The following TRIO variants were observed in gnomAD, a reference collection of about 807,000 sequenced individuals.
TRIO encodes the protein trio Rho guanine nucleotide exchange factor, also known as triple functional domain protein.
Under a neutral mutation model 351.9 loss-of-function variants are expected in TRIO, and 58 were observed. The observed-to-expected ratio is 0.16, with a 90% CI of 0.13 to 0.21. TRIO has a LOEUF of 0.21. Among genes scored for constraint, TRIO ranks in the 10% least tolerant of loss-of-function variants. TRIO has a pLI of 1.00. For synonymous variants in TRIO, 1,758 were observed against 1,595.7 expected (o/e 1.10, Z -2.42); for missense variants, 3,201 against 4,027.8 (o/e 0.79, Z 5.56).
At chr5:14,426,591 C>T (rs358752) in intron 34 of TRIO, among the ~76,000 whole-genome samples, 98,309 of 152,086 alleles carry the variant, frequency 0.65, 32,276 homozygotes, top group East Asian at 0.9. Flanking sequence ...ATTGCAGATA[C>T]ACTGTTGAAC....
intron 16 of TRIO, among the ~76,000 whole-genome samples, chr5:14,368,349 G>A (rs1744781452): frequency 6.6e-6 from 1 of 152,152 alleles, no homozygotes; most frequent in South Asian, 2.1e-4. Flanking sequence ...GCTTCCAGCA[G>A]CTATTATGAG....
chr5:14,355,249 C>CAGAACAACA (rs1429894927), intron 11 of TRIO, among the ~76,000 whole-genome samples: 3 of 152,218 alleles, frequency 2.0e-5, no homozygotes, highest in Admixed American at 6.5e-5. Context: ...ACATTACAGC[C>CAGAACAACA]TTGTTCTGGT....
intron 11 of TRIO, among the ~76,000 whole-genome samples, chr5:14,349,261 GT>G (rs1426067581): frequency 7.7e-6 from 1 of 129,838 alleles, no homozygotes; most frequent in Non-Finnish European, 1.6e-5. Context: ...GTGAGCATGT[GT>G]TTTTCCTGTG....
rs189220505 is a variant in TRIO, at chr5:14,453,542, T to C, written c.5204-7477T>C. ...TTATGCCTCAGCCATCCTACATTTA[T>C]AAACACTTAACAGTTTATGAAGTTT... is the stretch of plus-strand genomic sequence containing the variant. On this transcript the variant is annotated intron_variant, in intron 34 of 56. Coordinates refer to ENST00000344204, the MANE Select transcript of TRIO (RefSeq NM_007118.4). Among the ~76,000 whole-genome samples the C allele has an allele frequency of 5.3e-5, 8 of 152,342 alleles. No homozygotes were observed. The South Asian group carries it at 8.3e-4, about 16-fold the overall frequency.
At chr5:14,269,241 T>A (rs1207415718) in intron 1 of TRIO, among the ~76,000 whole-genome samples, 1 of 152,252 alleles carries the variant, frequency 6.6e-6, no homozygotes, top group Non-Finnish European at 1.5e-5. Context: ...GGGTTCATTA[T>A]ACACGTGGAC....
rs180836459 is a variant in TRIO at position 14,145,253 on chromosome 5, C to T, written c.157+1371C>T. Among the ~76,000 whole-genome samples, 120 of 152,364 alleles carry T rather than the reference C, an allele frequency of 7.9e-4. 2 individuals carry two copies. The highest frequency in any genetic ancestry group is 2.5e-3 in the African/African-American group (104 of 41,590). On this transcript the variant is annotated intron_variant, in intron 1 of 56. Transcript: ENST00000344204. ...GCAGCGGGAGGGCGATGGTGAGAGG[C>T]AGAAGTTAGCAGTGCTGGTAGATAC...
chr5:14,477,493 T>G (rs1467894652), intron 41 of TRIO, among the ~76,000 whole-genome samples: 1 of 152,228 alleles, frequency 6.6e-6, no homozygotes, highest in Non-Finnish European at 1.5e-5. Context: ...ATTGCTGTGT[T>G]TTTTGGTTCA....
chr5:14,464,590 C>T (rs1754107192), intron 36 of TRIO, among the ~76,000 whole-genome samples: 1 of 152,074 alleles, frequency 6.6e-6, no homozygotes, highest in South Asian at 2.1e-4. Flanking sequence ...GTTTTCTTCA[C>T]CCCATATTCC....
intron 1 of TRIO, among the ~76,000 whole-genome samples, chr5:14,239,557 C>T (rs1461352134): frequency 2.0e-5 from 3 of 152,126 alleles, no homozygotes; most frequent in African/African-American, 7.2e-5. Flanking sequence ...GTTTGATCCT[C>T]GCTGACCTCA....
At chr5:14,444,080 C>CTTTTTT (rs34641629) in intron 34 of TRIO, among the ~76,000 whole-genome samples, 3 of 145,060 alleles carry the variant, frequency 2.1e-5, no homozygotes, top group Non-Finnish European at 1.5e-5. Flanking sequence ...CTCTTGAAGT[C>CTTTTTT]TTTTTTTTTT....
chr5:14,254,186 CCCCCTCCCCCCG>C (rs1794899969), intron 1 of TRIO, among the ~76,000 whole-genome samples: 1 of 151,718 alleles, frequency 6.6e-6, no homozygotes, highest in African/African-American at 2.4e-5. Context: ...ATAGTTCTCC[CCCCCTCCCCCCG>C]CCTGAGACGG....
chr5:14,419,810 C>T lies in TRIO; in HGVS notation c.4992C>T (p.Ile1664=), dbSNP rs1328936581. Residue 1664 remains isoleucine (I), a synonymous_variant, in exon 34 of 57, where the codon ATC becomes ATT. Coordinates refer to ENST00000344204, the MANE Select transcript of TRIO (RefSeq NM_007118.4). The part of the protein sequence containing the change: ...LSGGCELTVV[I]HDFTACNSNE... ...GTGGCTGTGAGCTGACAGTGGTGATCCATGACTTCACCGCTTGCAACAGCA... is the reference window on the plus strand; with the variant it reads ...GTGGCTGTGAGCTGACAGTGGTGATTCATGACTTCACCGCTTGCAACAGCA... 6 of 1,614,084 alleles carry T rather than the reference C, an allele frequency of 3.7e-6. No individual in the cohort carries two copies. Among genetic ancestry groups the T allele is most frequent in the Non-Finnish European group, 5.1e-6 (6 of 1,180,048 alleles).
At chr5:14,507,352 C>A in intron 56 of TRIO, 92 bp downstream of exon 56, 1 of 1,544,138 alleles carries the variant, frequency 6.5e-7, no homozygotes, top group Non-Finnish European at 8.7e-7. Context: ...AGGCCAGGAG[C>A]CCCCAAGTGA....
chr5:14,264,259 A>G (rs923274196), intron 1 of TRIO, among the ~76,000 whole-genome samples: 2 of 152,058 alleles, frequency 1.3e-5, no homozygotes, highest in Non-Finnish European at 2.9e-5. Flanking sequence ...TTTTAAGTTG[A>G]AATTTCTTTA....
At chr5:14,249,949 T>C (rs777810480) in intron 1 of TRIO, among the ~76,000 whole-genome samples, 5 of 152,324 alleles carry the variant, frequency 3.3e-5, no homozygotes, top group Non-Finnish European at 7.4e-5. Context: ...ATTTTCCCCC[T>C]TTCCACTTTA....
intron 1 of TRIO, among the ~76,000 whole-genome samples, chr5:14,222,257 T>G (rs1471354574): frequency 6.6e-6 from 1 of 152,064 alleles, no homozygotes; most frequent in Non-Finnish European, 1.5e-5. Flanking sequence ...CCATGTAACG[T>G]ATAGTGTAAA....
At chr5:14,186,740 G>C (rs1007442665) in intron 1 of TRIO, among the ~76,000 whole-genome samples, 1 of 152,030 alleles carries the variant, frequency 6.6e-6, no homozygotes, top group Non-Finnish European at 1.5e-5. Context: ...ACCACACCTG[G>C]CTGATTTTTG....
intron 3 of TRIO, among the ~76,000 whole-genome samples, chr5:14,283,333 CAGTT>C (rs980589526): frequency 6.6e-6 from 1 of 152,178 alleles, no homozygotes; most frequent in African/African-American, 2.4e-5. Flanking sequence ...GGCCATTCCT[CAGTT>C]AGACAGTCAC....
chr5:14,504,175 C>T (rs376368520), intron 54 of TRIO, among the ~76,000 whole-genome samples: 3 of 152,308 alleles, frequency 2.0e-5, no homozygotes, highest in African/African-American at 7.2e-5. Context: ...ACCAAGGCTG[C>T]CTGGGAGGAA....
Sources: allele counts gnomAD v4.1 joint callset (sites outside exome capture counted in the v4.1 genomes callset), GRCh38; gene constraint gnomAD v4.1.1; transcripts MANE v1.5; gene names NCBI Gene and HGNC (gene_info 2026-07-23, HGNC 2026-07-21).